The following SLC9B2 variants were observed in gnomAD, a reference collection of about 807,000 sequenced individuals.
The protein encoded by SLC9B2 is solute carrier family 9 member B2, also known as sodium/hydrogen exchanger 9B2.
Under a neutral mutation model 52.2 loss-of-function variants are expected in SLC9B2, and 39 were observed. That is an observed-to-expected ratio of 0.75 (90% CI 0.58 to 0.98). The LOEUF is 0.98. Among genes scored for constraint, SLC9B2 ranks in the 50% least tolerant of loss-of-function variants. SLC9B2 has a pLI of 0.00. For synonymous variants in SLC9B2, 214 were observed against 227.0 expected (o/e 0.94, Z 0.51); for missense variants, 626 against 637.5 (o/e 0.98, Z 0.19).
At chr4:103,055,021 A>T (rs1483151248) in intron 4 of SLC9B2, among the ~76,000 whole-genome samples, 3 of 152,338 alleles carry the variant, frequency 2.0e-5, no homozygotes, top group Non-Finnish European at 2.9e-5. Flanking sequence ...GGATTAAGGA[A>T]ATGTGGCACA....
chr4:103,018,538 C>T (rs1399463689), downstream of SLC9B2, among the ~76,000 whole-genome samples: 1 of 152,136 alleles, frequency 6.6e-6, no homozygotes, highest in Non-Finnish European at 1.5e-5. Flanking sequence ...TTCTGTTGCA[C>T]ACATAATTAT....
At position 103,044,892 on chromosome 4, in the gene SLC9B2, G is replaced by T; in HGVS notation, c.994C>A (p.Gln332Lys). The T allele has an allele frequency of 6.2e-7, 1 of 1,610,714 alleles. No individual in the cohort carries two copies. Among genetic ancestry groups the T allele is most frequent in the Non-Finnish European group, 8.5e-7 (1 of 1,177,230 alleles). ...TTCCCACATATTATTTCTTTCACCT[G>T]GTCACGGCTTGGAAAGTACTGAATG... is the stretch of plus-strand genomic sequence containing the variant. Reference protein sequence around the residue: ...FFIQYFPSRDQDKLVCKRTFL... With the variant: ...FFIQYFPSRDKDKLVCKRTFL... The change falls in exon 8 of 12, where the codon CAG (glutamine) becomes AAG (lysine). Residue 332 changes from glutamine to lysine, a missense_variant and splice_region_variant. By Grantham distance (53) the Gln-to-Lys change is moderately conservative. Transcript: ENST00000394785.
chr4:103,055,681 G>T (rs1385671449), intron 4 of SLC9B2, among the ~76,000 whole-genome samples: 1 of 151,664 alleles, frequency 6.6e-6, no homozygotes, highest in Non-Finnish European at 1.5e-5. Context: ...CAGGAAATGT[G>T]TGTAAATATA....
Position 103,023,161 on chromosome 4 carries a change from G to A in SLC9B2, c.*3209C>T, listed in dbSNP as rs1347011449. On this transcript the variant is annotated 3_prime_UTR_variant, in exon 12 of 12. Coordinates refer to ENST00000394785, the MANE Select transcript of SLC9B2 (RefSeq NM_178833.7). Reference sequence around the variant, plus strand: ...CAAGTAGTTTTCTGATATTGAGAGAGGATCCTCTTCCTCTCAGATTTAGTC... The same window carrying A: ...CAAGTAGTTTTCTGATATTGAGAGAAGATCCTCTTCCTCTCAGATTTAGTC... 6.6e-6 allele frequency among the ~76,000 whole-genome samples: 1 copy of A among 152,158 alleles called. No homozygotes were observed. Among genetic ancestry groups the A allele is most frequent in the Non-Finnish European group, 1.5e-5 (1 of 68,032 alleles).
At chr4:103,019,226 G>GT (rs779138789), downstream of SLC9B2, among the ~76,000 whole-genome samples, 45 of 152,244 alleles carry the variant, frequency 3.0e-4, no homozygotes, top group East Asian at 1.7e-3. Flanking sequence ...GCAGGAGCAT[G>GT]TATGTGAAGG....
downstream of SLC9B2, chr4:103,019,706 C>A (rs536560447): frequency 6.7e-5 from 66 of 985,522 alleles, 3 homozygotes; most frequent in South Asian, 2.7e-3. Context: ...ACGCGAAAGC[C>A]CGGATAGACT....
At chr4:103,047,537 TC>T (rs1237556873) in intron 6 of SLC9B2, among the ~76,000 whole-genome samples, 8 of 66,836 alleles carry the variant, frequency 1.2e-4, no homozygotes, top group South Asian at 6.8e-4. Context: ...ATGCTATCCC[TC>T]CCCCCCTCCC....
chr4:103,031,411 T>C (rs1267419858), intron 10 of SLC9B2, among the ~76,000 whole-genome samples: 1 of 152,158 alleles, frequency 6.6e-6, no homozygotes, highest in Non-Finnish European at 1.5e-5. Flanking sequence ...GGAAAAAGAA[T>C]TGTTAAGGCC....
At chr4:103,058,252 T>C (rs1745327960) in intron 3 of SLC9B2, among the ~76,000 whole-genome samples, 1 of 152,210 alleles carries the variant, frequency 6.6e-6, no homozygotes, top group Non-Finnish European at 1.5e-5. Context: ...TCTTCACCAT[T>C]CACTTTTTTC....
intron 6 of SLC9B2, chr4:103,048,609 A>T (rs1035669974): frequency 1.5e-5 from 4 of 260,560 alleles, no homozygotes; most frequent in African/African-American, 8.9e-5. Flanking sequence ...CTTTGTGCAG[A>T]CGTTAGGTGG....
At chr4:103,069,047 T>C (rs1746393114) in intron 1 of SLC9B2, among the ~76,000 whole-genome samples, 1 of 152,210 alleles carries the variant, frequency 6.6e-6, no homozygotes, top group South Asian at 2.1e-4. Flanking sequence ...TTATTATACA[T>C]AATTTGTAAT....
intron 3 of SLC9B2, among the ~76,000 whole-genome samples, chr4:103,061,666 TA>T (rs75999238): frequency 1.3e-5 from 2 of 151,164 alleles, no homozygotes; most frequent in Non-Finnish European, 3.0e-5. Context: ...TAATAATAAT[TA>T]AAAAAAAAGT....
In SLC9B2 at chr4:103,025,438, T is replaced by C. The variant is rs1489126985; in HGVS notation, c.*932A>G. The C allele has an allele frequency of 6.6e-6, 1 of 152,228 alleles. No individual in the cohort carries two copies. The highest frequency in any genetic ancestry group is 1.5e-5 in the Non-Finnish European group (1 of 68,032). The allele number at this position is 152,228 out of a possible 1,614,324, so 9.4% of individuals were successfully genotyped here. ...TTCAGGACAGAAAGACATGGGACTC[T>C]GAGCAGACCTCATAAGCAGAGTAAC... is the stretch of plus-strand genomic sequence containing the variant. On this transcript the variant is annotated 3_prime_UTR_variant, in exon 12 of 12. Coordinates refer to ENST00000394785, the MANE Select transcript of SLC9B2 (RefSeq NM_178833.7).
At chr4:103,031,557 C>G (rs1207359788) in intron 10 of SLC9B2, 143 bp downstream of exon 10, 2 of 526,068 alleles carry the variant, frequency 3.8e-6, no homozygotes, top group Non-Finnish European at 6.7e-6. Context: ...TCATAATTAA[C>G]TTTTTATATA....
chr4:103,039,076 TTAGATGATTATTG>T (rs1249088286), intron 9 of SLC9B2, among the ~76,000 whole-genome samples: 2 of 152,210 alleles, frequency 1.3e-5, no homozygotes, highest in African/African-American at 4.8e-5. Flanking sequence ...CAGCAATTTT[TTAGATGATTATTG>T]TATTCACTTT....
chr4:103,036,642 T>C (rs977436723), intron 9 of SLC9B2, among the ~76,000 whole-genome samples: 8 of 148,490 alleles, frequency 5.4e-5, no homozygotes, highest in Middle Eastern at 3.5e-3. Flanking sequence ...ACAAATTAAA[T>C]TGACATGCCT....
chr4:103,074,500 A>G (rs1746940143), intron 1 of SLC9B2, among the ~76,000 whole-genome samples: 1 of 152,234 alleles, frequency 6.6e-6, no homozygotes, highest in Admixed American at 6.5e-5. Flanking sequence ...GTTACAGTGC[A>G]AAATCATCAT....
At chr4:103,040,137 AACT>A (rs1310266859) in intron 9 of SLC9B2, among the ~76,000 whole-genome samples, 1 of 152,238 alleles carries the variant, frequency 6.6e-6, no homozygotes, top group South Asian at 2.1e-4. Flanking sequence ...AAAAAATTAA[AACT>A]ATTATAGGAG....
intron 4 of SLC9B2, among the ~76,000 whole-genome samples, chr4:103,056,903 T>C (rs1007278284): frequency 3.9e-5 from 6 of 152,284 alleles, no homozygotes; most frequent in South Asian, 2.1e-4. Flanking sequence ...ACCATGAATG[T>C]TGGTTGATAT....
Sources: gnomAD v4.1 joint callset for allele counts (sites outside exome capture counted in the v4.1 genomes callset) on GRCh38, gnomAD v4.1.1 for gene constraint, MANE v1.5 for transcripts, NCBI Gene and HGNC (gene_info 2026-07-23, HGNC 2026-07-21) for gene names.